The following CENPN variants were observed in gnomAD, a reference collection of about 807,000 sequenced individuals.
The protein encoded by CENPN is centromere protein N, also known as interphase centromere complex protein 32.
Under a neutral mutation model 48.6 loss-of-function variants are expected in CENPN, and 36 were observed. The observed-to-expected ratio is 0.74, with a 90% confidence interval of 0.57 to 0.98. The LOEUF (loss-of-function observed/expected upper bound fraction) is 0.98, where lower values mean the gene tolerates loss of function less well. Ranked by LOEUF, CENPN falls within the 50% of genes least tolerant of loss-of-function variation. The probability of loss-of-function intolerance (pLI) is 0.00; values close to 1 mark genes in which losing one functional copy is unlikely to be tolerated. For synonymous variants in CENPN, 166 were observed against 135.2 expected, an observed-to-expected ratio of 1.23 and a Z score of -1.58; for missense variants, 439 against 399.2, an observed-to-expected ratio of 1.10 and a Z score of -0.85.
At position 81,030,782 on chromosome 16, in the gene CENPN, A is replaced by G. The variant is rs143842885; in HGVS notation, c.*2131A>G. On this transcript the variant is annotated 3_prime_UTR_variant, in exon 11 of 11. Transcript: ENST00000305850. ...AAATAAAGGCCAGGCATGGTGGCTC[A>G]CGCCTATAATCCCAGCACTTTCAGA... is the stretch of plus-strand genomic sequence containing the variant. 0.08 allele frequency: 12,105 copies of G among 152,092 alleles called. 535 individuals are homozygous for G. Among genetic ancestry groups the G allele is most frequent in the East Asian group, 0.21 (1,076 of 5,136 alleles). The allele number at this position is 152,092 out of a possible 1,614,324, so 9.4% of individuals were successfully genotyped here. A position where few individuals can be genotyped will look rare whatever the true frequency, so the allele number is the denominator to read the frequency against.
chr16:81,021,046 C>T (rs568966214), intron 6 of CENPN, among the ~76,000 whole-genome samples: 34 of 151,128 alleles, frequency 2.2e-4, no homozygotes, highest in African/African-American at 5.8e-4. Flanking sequence ...GAGCCCATAT[C>T]GCACCATTGC....
intron 1 of CENPN, among the ~76,000 whole-genome samples, chr16:81,011,355 C>T (rs1969732846): frequency 6.6e-6 from 1 of 152,156 alleles, no homozygotes; most frequent in African/African-American, 2.4e-5. Flanking sequence ...TTTGTGATTT[C>T]CCTGTTGTTT....
chr16:81,028,501 G>T, intron 10 of CENPN, 68 bp from the exon 11 acceptor site: 1 of 1,581,686 alleles, frequency 6.3e-7, no homozygotes, highest in South Asian at 1.2e-5. Context: ...TTTTTAAACT[G>T]ACTCAAATCC....
rs1970635944 is a variant in CENPN at position 81,028,827 on chromosome 16, C to CT, written c.*177dup. On this transcript the variant is annotated 3_prime_UTR_variant, in exon 11 of 11. Transcript: ENST00000305850. ...ACTGATTCATTCCTCCACGATATGC[C>CT]TCCTCTCTCTGATATCCTGCTAACT... The CT allele has an allele frequency of 2.9e-6, 4 of 1,384,244 alleles. No homozygotes were observed. The Admixed American group carries it at 1.3e-4, about 46-fold the overall frequency. 85.7% of individuals were successfully genotyped at this position (1,384,244 alleles called of 1,614,324 possible).
chr16:81,030,365 T>C lies in CENPN; in HGVS notation c.*1714T>C. The stretch of plus-strand genomic sequence containing the variant: ...TCCCAGCACTTCAGGAGGTTTCTCC[T>C]AGTGTACTCTCACACTTCTGATACC... On this transcript the variant is annotated 3_prime_UTR_variant, in exon 11 of 11. Coordinates refer to ENST00000305850, the MANE Select transcript of CENPN (RefSeq NM_001100624.3). 1 of 984,092 alleles carries C rather than the reference T, an allele frequency of 1.0e-6. No homozygotes were observed. The highest frequency in any genetic ancestry group is 1.2e-6 in the Non-Finnish European group (1 of 828,870). The allele number at this position is 984,092 out of a possible 1,614,324, so 61.0% of individuals were successfully genotyped here. A position where few individuals can be genotyped will look rare whatever the true frequency, so the allele number is the denominator to read the frequency against.
chr16:81,011,236 GC>G (rs1567546685), intron 1 of CENPN, among the ~76,000 whole-genome samples: 1 of 152,142 alleles, frequency 6.6e-6, no homozygotes, highest in Non-Finnish European at 1.5e-5. Context: ...TACAAGGATT[GC>G]CCCCAAGTCA....
chr16:81,024,903 G>A, intron 8 of CENPN, 125 bp downstream of exon 8: 2 of 537,838 alleles, frequency 3.7e-6, no homozygotes, highest in Non-Finnish European at 6.3e-6. Flanking sequence ...CAGAAAAATT[G>A]AAAAGTAAAT....
chr16:81,014,231 G>T, intron 3 of CENPN, 50 bp downstream of exon 3: 2 of 1,521,156 alleles, frequency 1.3e-6, no homozygotes, highest in Non-Finnish European at 1.8e-6. Flanking sequence ...TTTATTAGAG[G>T]CAATTTTGTT....
In CENPN at chr16:81,020,082, T is replaced by G; in HGVS notation, c.355-18T>G. 1 of 1,588,012 alleles carries G rather than the reference T, an allele frequency of 6.3e-7. No individual in the cohort carries two copies. The highest frequency in any genetic ancestry group is 8.5e-7 in the Non-Finnish European group (1 of 1,172,566). On this transcript the variant is annotated intron_variant, in intron 5 of 10. Transcript: ENST00000305850. ...TTTTAATTAGGAAATTAAGCCTTTT[T>G]TTTTTTTCTTTAATAAGGTGACAGT... is the stretch of plus-strand genomic sequence containing the variant.
At position 81,029,154 on chromosome 16, in the gene CENPN, T is replaced by C. The variant is rs1970653670; in HGVS notation, c.*503T>C. On this transcript the variant is annotated 3_prime_UTR_variant, in exon 11 of 11. Coordinates refer to ENST00000305850, the MANE Select transcript of CENPN (RefSeq NM_001100624.3). ...TATTCAAAGGATGGAGTTGAGTCCA[T>C]TCTGTTATTGTTGCAAGAGGTTGCA... The C allele has an allele frequency of 2.0e-6, 2 of 985,070 alleles. No homozygotes were observed. Among genetic ancestry groups the C allele is most frequent in the African/African-American group, 1.7e-5 (1 of 57,218 alleles). The allele number at this position is 985,070 out of a possible 1,614,324, so 61.0% of individuals were successfully genotyped here.
At chr16:81,032,731 TAATC>T, downstream of CENPN, 1 of 1,576,414 alleles carries the variant, frequency 6.3e-7, no homozygotes, top group Non-Finnish European at 8.6e-7. Context: ...TTTAAATGGT[TAATC>T]AAATGTATGT....
chr16:81,014,232 C>T, intron 3 of CENPN, 51 bp downstream of exon 3: 1 of 1,511,536 alleles, frequency 6.6e-7, no homozygotes, highest in Non-Finnish European at 9.2e-7. Context: ...TTATTAGAGG[C>T]AATTTTGTTT....
At chr16:81,018,028 G>A (rs1970005334) in intron 5 of CENPN, among the ~76,000 whole-genome samples, 194 bp downstream of exon 5, 1 of 151,938 alleles carries the variant, frequency 6.6e-6, no homozygotes, top group Admixed American at 6.6e-5. Flanking sequence ...TCCATTCAGG[G>A]CCTGAGGCTT....
Position 81,017,983 on chromosome 16 carries a change from T to G in CENPN, c.354+149T>G, listed in dbSNP as rs942344599. The G allele has an allele frequency of 7.0e-6, 4 of 569,118 alleles. No individual in the cohort carries two copies. In the African/African-American group the frequency reaches 7.8e-5, roughly 11 times the overall value. 35.3% of individuals were successfully genotyped at this position (569,118 alleles called of 1,614,324 possible). A position where few individuals can be genotyped will look rare whatever the true frequency, so the allele number is the denominator to read the frequency against. The stretch of plus-strand genomic sequence containing the variant: ...TCTACTCCATATCAGAAACACACTG[T>G]AAATATTATGAAAACTTCCCTTTCC... On this transcript the variant is annotated intron_variant, in intron 5 of 10. Transcript: ENST00000305850.
intron 8 of CENPN, among the ~76,000 whole-genome samples, chr16:81,026,168 T>C (rs2151709376): frequency 6.8e-6 from 1 of 147,274 alleles, no homozygotes; most frequent in African/African-American, 2.5e-5. Flanking sequence ...TATATATATG[T>C]GTATATATAT....
intron 8 of CENPN, among the ~76,000 whole-genome samples, chr16:81,025,853 C>A (rs1195648315): frequency 2.6e-5 from 4 of 151,680 alleles, no homozygotes; most frequent in African/African-American, 9.7e-5. Context: ...CAGGCGCCTG[C>A]CACCACACCT....
chr16:81,013,032 G>A (rs1438717660), intron 2 of CENPN, among the ~76,000 whole-genome samples: 1 of 152,162 alleles, frequency 6.6e-6, no homozygotes, highest in Non-Finnish European at 1.5e-5. Context: ...ATGCATTGTA[G>A]CATTGTTTTA....
chr16:81,014,481 C>G (rs1465502924), intron 3 of CENPN: 1 of 334,962 alleles, frequency 3.0e-6, no homozygotes, highest in East Asian at 5.5e-5. Flanking sequence ...GTTCCTCCTA[C>G]CAAAGTGCTG....
chr16:81,028,087 A>G (rs541359384), intron 9 of CENPN, 84 bp from the exon 10 acceptor site: 1 of 1,098,882 alleles, frequency 9.1e-7, no homozygotes, highest in South Asian at 1.4e-5. Flanking sequence ...GAATTAATGA[A>G]ACGTATCATT....
Sources: gnomAD v4.1 joint callset for allele counts (sites outside exome capture counted in the v4.1 genomes callset) on GRCh38, gnomAD v4.1.1 for gene constraint, MANE v1.5 for transcripts, NCBI Gene and HGNC (gene_info 2026-07-23, HGNC 2026-07-21) for gene names.